The following ROBO2 variants were observed in gnomAD, a reference collection of about 807,000 sequenced individuals.
ROBO2 encodes roundabout guidance receptor 2, also known as roundabout homolog 2.
ROBO2 carries 53 observed loss-of-function variants against 160.8 expected under a neutral mutation model. That is an observed-to-expected ratio of 0.33 (90% CI 0.26 to 0.41). ROBO2 has a LOEUF of 0.41. Ranked by LOEUF, ROBO2 falls within the 10% of genes least tolerant of loss-of-function variation. The probability of loss-of-function intolerance (pLI) is 1.00; values close to 1 mark genes in which losing one functional copy is unlikely to be tolerated. For missense variants in ROBO2, 1,577 were observed against 1,722.4 expected (o/e 0.92, Z 1.49); for synonymous variants, 664 against 611.7 (o/e 1.09, Z -1.26).
intron 2 of ROBO2, among the ~76,000 whole-genome samples, chr3:76,119,362 T>TA (rs773243392): frequency 2.2e-4 from 33 of 151,718 alleles, no homozygotes; most frequent in Admixed American, 4.6e-4. Flanking sequence ...AATTTTTTTT[T>TA]ACCATAGCTC....
In ROBO2 at chr3:76,131,887, G is replaced by T. The variant is rs2071235990; in HGVS notation, c.109+194285G>T. ...TCACAATCATCTTATCAAATAAAAT[G>T]TTCTTATTGATTAGAGTGACTCAAA... On this transcript the variant is annotated intron_variant, in intron 2 of 26. Coordinates refer to the ROBO2 transcript ENST00000487694. Among the ~76,000 whole-genome samples, 4 of 152,204 alleles carry T rather than the reference G, an allele frequency of 2.6e-5. No homozygotes were observed. In the South Asian group the frequency reaches 8.3e-4, roughly 32 times the overall value.
chr3:77,605,165 A>AG (rs1463992571), intron 20 of ROBO2, among the ~76,000 whole-genome samples: 1 of 138,406 alleles, frequency 7.2e-6, no homozygotes. Context: ...CCCTGTCTCA[A>AG]GGAAAAAAAA....
chr3:77,305,768 G>A (rs1238394107), intron 2 of ROBO2, among the ~76,000 whole-genome samples: 1 of 152,126 alleles, frequency 6.6e-6, no homozygotes, highest in Admixed American at 6.6e-5. Context: ...AAAATAATCA[G>A]ACTTCTTTCA....
chr3:76,810,011 A>G (rs555396689), intron 2 of ROBO2, among the ~76,000 whole-genome samples: 2 of 152,268 alleles, frequency 1.3e-5, no homozygotes, highest in South Asian at 2.1e-4. Context: ...AAAATAAAAT[A>G]TGAATTGCCA....
intron 19 of ROBO2, among the ~76,000 whole-genome samples, chr3:77,601,047 A>C (rs2094420194): frequency 6.6e-6 from 1 of 152,200 alleles, no homozygotes; most frequent in African/African-American, 2.4e-5. Flanking sequence ...TGCAGTGTAC[A>C]AAATATAGTA....
At chr3:77,254,644 AT>A (rs1279720710) in intron 2 of ROBO2, among the ~76,000 whole-genome samples, 2 of 152,158 alleles carry the variant, frequency 1.3e-5, no homozygotes, top group African/African-American at 4.8e-5. Context: ...AGTTGTGTTT[AT>A]TCTTAATAAT....
intron 2 of ROBO2, among the ~76,000 whole-genome samples, chr3:76,142,260 T>C (rs1483401240): frequency 6.6e-6 from 1 of 151,832 alleles, no homozygotes; most frequent in Non-Finnish European, 1.5e-5. Flanking sequence ...AGTATGGAGG[T>C]TCCTCAAAAA....
chr3:77,248,326 G>A (rs1382959487), intron 2 of ROBO2, among the ~76,000 whole-genome samples: 2 of 152,032 alleles, frequency 1.3e-5, no homozygotes, highest in Non-Finnish European at 1.5e-5. Flanking sequence ...CGGGTGCCAC[G>A]AGTGTGGGTG....
intron 2 of ROBO2, among the ~76,000 whole-genome samples, chr3:76,324,162 A>G (rs568816436): frequency 3.3e-4 from 51 of 152,304 alleles, no homozygotes; most frequent in African/African-American, 1.1e-3. Context: ...ATTTAAAGGA[A>G]GAAATTGTAG....
intron 2 of ROBO2, among the ~76,000 whole-genome samples, chr3:77,029,180 T>C (rs2063161237): frequency 6.6e-6 from 1 of 152,130 alleles, no homozygotes; most frequent in Admixed American, 6.6e-5. Context: ...CTGTGTGGTG[T>C]GTGTGTATGT....
intron 2 of ROBO2, among the ~76,000 whole-genome samples, chr3:76,379,252 G>A (rs2076502561): frequency 6.6e-6 from 1 of 152,104 alleles, no homozygotes; most frequent in Non-Finnish European, 1.5e-5. Flanking sequence ...AACGAGAAAT[G>A]TCTCAATGTA....
chr3:77,572,283 A>C (rs969439124), intron 13 of ROBO2, among the ~76,000 whole-genome samples: 1 of 152,032 alleles, frequency 6.6e-6, no homozygotes, highest in Non-Finnish European at 1.5e-5. Flanking sequence ...TTGTTTTAAC[A>C]TATACTGCAA....
rs550502243 is a variant in ROBO2 at position 77,424,666 on chromosome 3, G to A, written c.389-52748G>A. ...TAAAGGTTCTTTTCTTTTTTTTGTT[G>A]GTTTTATCCCCATGAAATTGTTTCC... is the stretch of plus-strand genomic sequence containing the variant. On this transcript the variant is annotated intron_variant, in intron 2 of 25. Transcript: ENST00000461745. Among the ~76,000 whole-genome samples the A allele has an allele frequency of 2.6e-5, 4 of 151,524 alleles. No homozygotes were observed. The South Asian group carries it at 6.3e-4, about 24-fold the overall frequency.
intron 2 of ROBO2, among the ~76,000 whole-genome samples, chr3:76,610,596 G>A (rs1479606472): frequency 5.3e-5 from 8 of 152,216 alleles, no homozygotes; most frequent in African/African-American, 1.9e-4. Context: ...ATAGCTTGGC[G>A]AGTGGGAGCA....
intron 2 of ROBO2, among the ~76,000 whole-genome samples, chr3:76,640,596 AGTG>A (rs2090620027): frequency 2.0e-5 from 3 of 147,056 alleles, no homozygotes; most frequent in Non-Finnish European, 4.5e-5. Flanking sequence ...TTTGCGTGTG[AGTG>A]TGTGTGTGTG....
chr3:76,091,600 T>A (rs150150351), intron 2 of ROBO2, among the ~76,000 whole-genome samples: 72 of 152,270 alleles, frequency 4.7e-4, no homozygotes, highest in South Asian at 2.7e-3. Flanking sequence ...AACTGAAAAC[T>A]TATGTTGGAA....
intron 2 of ROBO2, among the ~76,000 whole-genome samples, chr3:76,429,238 A>T (rs1577127232): frequency 6.6e-6 from 1 of 151,994 alleles, no homozygotes; most frequent in East Asian, 1.9e-4. Flanking sequence ...AATGTATTGT[A>T]TATGCTATGT....
chr3:76,298,235 G>A (rs1709182327), intron 2 of ROBO2, among the ~76,000 whole-genome samples: 1 of 152,102 alleles, frequency 6.6e-6, no homozygotes, highest in African/African-American at 2.4e-5. Flanking sequence ...GTAGAAAGAT[G>A]AGTTATAATG....
chr3:77,204,420 A>C (rs1332172383), intron 2 of ROBO2, among the ~76,000 whole-genome samples: 2 of 152,224 alleles, frequency 1.3e-5, no homozygotes, highest in Non-Finnish European at 2.9e-5. Flanking sequence ...TAAAGAATTA[A>C]GGTTCAGCTT....
Sources: gnomAD v4.1 joint callset for allele counts (sites outside exome capture counted in the v4.1 genomes callset) on GRCh38, gnomAD v4.1.1 for gene constraint, MANE v1.5 for transcripts, NCBI Gene and HGNC (gene_info 2026-07-23, HGNC 2026-07-21) for gene names.